ZIC2: variants seen among roughly 807,000 people sequenced by gnomAD.
The protein encoded by ZIC2 is Zic family zinc finger 2.
A neutral mutation model predicts 29.5 loss-of-function variants in ZIC2; 7 were observed. The ratio of observed to expected loss-of-function variants is 0.24; its 90% CI spans 0.14 to 0.45. The LOEUF (loss-of-function observed/expected upper bound fraction) is 0.45. Ranked by LOEUF, ZIC2 falls within the 20% of genes least tolerant of loss-of-function variation. ZIC2 has a pLI of 1.00. For synonymous variants in ZIC2, 408 were observed against 354.2 expected, an observed-to-expected ratio of 1.15 and a Z score of -1.70; for missense variants, 589 against 781.2, an observed-to-expected ratio of 0.75 and a Z score of 2.93.
chr13:99,982,313 C>G lies in ZIC2; in HGVS notation c.249C>G (p.Gly83=). Reference sequence around the variant, plus strand: ...CGGCGTTCACGTCGCAGGGCCCCGGCGCCTACCCCGGCTCCGCTGCGGCTG... The same window carrying G: ...CGGCGTTCACGTCGCAGGGCCCCGGGGCCTACCCCGGCTCCGCTGCGGCTG... ...QSSAFTSQGP[G]AYPGSAAAAA... The change falls in exon 1 of 3, where the codon GGC becomes GGG. Residue 83 remains glycine, a synonymous_variant. Coordinates refer to ENST00000376335, the MANE Select transcript of ZIC2 (RefSeq NM_007129.5). 1 of 1,472,810 alleles carries G rather than the reference C, an allele frequency of 6.8e-7. No individual in the cohort carries two copies. The highest frequency in any genetic ancestry group is 3.0e-5 in the East Asian group (1 of 33,796). The allele number at this position is 1,472,810 out of a possible 1,614,324, so 91.2% of individuals were successfully genotyped here.
In ZIC2 at chr13:99,985,791, AT is replaced by A. The variant is rs1566406408; in HGVS notation, c.*114del. 1 of 529,236 alleles carries A rather than the reference AT, an allele frequency of 1.9e-6. No homozygotes were observed. The highest frequency in any genetic ancestry group is 2.7e-6 in the Non-Finnish European group (1 of 375,794). 32.8% of individuals were successfully genotyped at this position (529,236 alleles called of 1,614,324 possible). A position where few individuals can be genotyped will look rare whatever the true frequency, so the allele number is the denominator to read the frequency against. On this transcript the variant is annotated 3_prime_UTR_variant, in exon 3 of 3. Transcript: ENST00000376335. This position sits in a 1 kb window ranked among gnomAD's most constrained non-coding sequence, Gnocchi z 6.3. ...TCATGTTGTTAAAATTATGAATCTG[AT>A]TTTTATGATGATGAAAATTTTACCA...
Position 99,983,385 on chromosome 13 carries a change from G to A in ZIC2, c.1075+246G>A, listed in dbSNP as rs2053246602. ...AGCCTCACATCAAATGTATGCTTGG[G>A]TCATGCAATTGCTTCGTTTGCTCAG... is the stretch of plus-strand genomic sequence containing the variant. On this transcript the variant is annotated intron_variant, in intron 1 of 2. Transcript: ENST00000376335. The surrounding 1 kb of genome is among the most constrained non-coding windows in gnomAD (Gnocchi z 4.7). Among the ~76,000 whole-genome samples, 1 of 152,212 alleles carries A rather than the reference G, an allele frequency of 6.6e-6. No individual in the cohort carries two copies.
At position 99,985,536 on chromosome 13, in the gene ZIC2, G is replaced by A; in HGVS notation, c.1453G>A (p.Ala485Thr). 2.0e-6 allele frequency: 2 copies of A among 1,002,824 alleles called. No homozygotes were observed. Among genetic ancestry groups the A allele is most frequent in the Non-Finnish European group, 2.4e-6 (2 of 843,956 alleles). The allele number at this position is 1,002,824 out of a possible 1,614,324, so 62.1% of individuals were successfully genotyped here. The change falls in exon 3 of 3, where the codon GCG becomes ACG. Residue 485 changes from alanine (A) to threonine (T), a missense_variant. Around this residue, in one of 7 missense-constraint regions of ZIC2, gnomAD observed 135 missense variants for 136.7 expected, o/e 0.99. Coordinates refer to ENST00000376335, the MANE Select transcript of ZIC2 (RefSeq NM_007129.5). The surrounding 1 kb of genome is among the most constrained non-coding windows in gnomAD (Gnocchi z 6.3). ...GGGCGGAGGCTCGGGCAGTGGCGGC[G>A]CGGGAGGCGGCTCAGGCGGCGGCAG... Reference protein sequence around the residue: ...HRGGGSGSGGAGGGSGGGSGS... With the variant: ...HRGGGSGSGGTGGGSGGGSGS...
rs575455298 is a variant in ZIC2 at position 99,985,424 on chromosome 13, C to G, written c.1341C>G (p.Pro447=). The G allele has an allele frequency of 6.3e-7, 1 of 1,593,998 alleles. No homozygotes were observed. The highest frequency in any genetic ancestry group is 1.1e-5 in the South Asian group (1 of 90,930). The change falls in exon 3 of 3, where the codon CCC becomes CCG. Residue 447 remains proline, a synonymous_variant. Coordinates refer to ENST00000376335, the MANE Select transcript of ZIC2 (RefSeq NM_007129.5). The surrounding 1 kb of genome is among the most constrained non-coding windows in gnomAD (Gnocchi z 6.3). ...GGCTGGTGTCCCCCAGCGCCGAGCC[C>G]CAGAGCAGCTCCAACCTGTCCCCAG... is the stretch of plus-strand genomic sequence containing the variant. The part of the protein sequence containing the change: ...PPGLVSPSAE[P]QSSSNLSPAA...
Position 99,982,679 on chromosome 13 carries a change from C to T in ZIC2, c.615C>T (p.Tyr205=), listed in dbSNP as rs1365569151. 5 of 1,600,446 alleles carry T rather than the reference C, an allele frequency of 3.1e-6. No homozygotes were observed. Among genetic ancestry groups the T allele is most frequent in the African/African-American group, 1.3e-5 (1 of 75,040 alleles). ...RQVASPRTDP[Y]SAAQLHNQYG... ...TGGCCAGCCCGCGGACCGACCCCTACTCGGCGGCGCAACTCCACAACCAGT... is the reference window on the plus strand; with the variant it reads ...TGGCCAGCCCGCGGACCGACCCCTATTCGGCGGCGCAACTCCACAACCAGT... Residue 205 remains tyrosine, a synonymous_variant, in exon 1 of 3, where the codon TAC becomes TAT. Transcript: ENST00000376335.
In ZIC2 at chr13:99,983,526, C is replaced by G. The variant is rs1257247782; in HGVS notation, c.1075+387C>G. ...TGCCAGCTTGTCTGAATGTGCTTTT[C>G]TGCTCGGAGTGTATGTCTGTCTGAG... On this transcript the variant is annotated intron_variant, in intron 1 of 2. Transcript: ENST00000376335. The surrounding 1 kb of genome is among the most constrained non-coding windows in gnomAD (Gnocchi z 4.7). 6.6e-6 allele frequency among the ~76,000 whole-genome samples: 1 copy of G among 152,188 alleles called. No individual in the cohort carries two copies. Among genetic ancestry groups the G allele is most frequent in the African/African-American group, 2.4e-5 (1 of 41,444 alleles).
Position 99,985,701 on chromosome 13 carries a change from C to A in ZIC2, c.*19C>A. The stretch of plus-strand genomic sequence containing the variant: ...CGTGTGACGGGTCGGGGCCTCTCTC[C>A]CTCTCCCTGTCCCCACCCCAGCGCA... On this transcript the variant is annotated 3_prime_UTR_variant, in exon 3 of 3. Transcript: ENST00000376335. This position sits in a 1 kb window ranked among gnomAD's most constrained non-coding sequence, Gnocchi z 6.3. The A allele has an allele frequency of 7.5e-7, 1 of 1,325,970 alleles. No individual in the cohort carries two copies. Among genetic ancestry groups the A allele is most frequent in the Non-Finnish European group, 9.9e-7 (1 of 1,012,254 alleles). 82.1% of individuals were successfully genotyped at this position (1,325,970 alleles called of 1,614,324 possible).
At position 99,986,259 on chromosome 13, in the gene ZIC2, C is replaced by G. The variant is rs2053269173; in HGVS notation, c.*577C>G. On this transcript the variant is annotated 3_prime_UTR_variant, in exon 3 of 3. Transcript: ENST00000376335. ...TATTGTGGTATTGAATATTGTGTTC[C>G]TTTTTATGAGGCAACCTGATTGTAA... 3 of 299,692 alleles carry G rather than the reference C, an allele frequency of 1.0e-5. No individual in the cohort carries two copies. The highest frequency in any genetic ancestry group is 2.2e-5 in the African/African-American group (1 of 45,506). The allele number at this position is 299,692 out of a possible 1,614,324, so 18.6% of individuals were successfully genotyped here. A position where few individuals can be genotyped will look rare whatever the true frequency, so the allele number is the denominator to read the frequency against.
chr13:99,985,475 T>G lies in ZIC2; in HGVS notation c.1392T>G (p.Ala464=), dbSNP rs921926048. Residue 464 remains alanine, a synonymous_variant, in exon 3 of 3, where the codon GCT becomes GCG. Coordinates refer to ENST00000376335, the MANE Select transcript of ZIC2 (RefSeq NM_007129.5). The surrounding 1 kb of genome is among the most constrained non-coding windows in gnomAD (Gnocchi z 6.3). ...SPAAAAAAAA[A]AAAAAAVSAV... is the part of the protein sequence containing the mutation. Reference sequence around the variant, plus strand: ...CGGCGGCGGCAGCGGCGGCGGCGGCTGCGGCGGCGGCGGCCGCGGTGTCCG... The same window carrying G: ...CGGCGGCGGCAGCGGCGGCGGCGGCGGCGGCGGCGGCGGCCGCGGTGTCCG... The G allele has an allele frequency of 3.0e-4, 384 of 1,291,820 alleles. No individual in the cohort carries two copies. Among genetic ancestry groups the G allele is most frequent in the Non-Finnish European group, 3.6e-4 (369 of 1,028,414 alleles). The allele number at this position is 1,291,820 out of a possible 1,614,324, so 80.0% of individuals were successfully genotyped here.
chr13:99,985,217 C>A lies in ZIC2; in HGVS notation c.1240-106C>A, dbSNP rs1038743512. The A allele has an allele frequency of 6.2e-7, 1 of 1,602,258 alleles. No individual in the cohort carries two copies. Among genetic ancestry groups the A allele is most frequent in the Admixed American group, 1.7e-5 (1 of 58,990 alleles). On this transcript the variant is annotated intron_variant, in intron 2 of 2. Transcript: ENST00000376335. This position sits in a 1 kb window ranked among gnomAD's most constrained non-coding sequence, Gnocchi z 6.3. ...GGAGGGTCCCCAGGGGCCAGGGCGG[C>A]GGGGGGAACATTTCTGGGGGTGCTC...
At chr13:99,984,441 C>A in intron 1 of ZIC2, 1 of 193,296 alleles carries the variant, frequency 5.2e-6, no homozygotes, top group Non-Finnish European at 1.1e-5. Context: ...ATTCAATTTG[C>A]AGAATTTTGG....
chr13:99,983,079 G>A lies in ZIC2; in HGVS notation c.1015G>A (p.Gly339Ser), dbSNP rs1291948220. The change falls in exon 1 of 3, where the codon GGC (glycine) becomes AGC (serine). Residue 339 changes from glycine (G) to serine (S), a missense_variant. Coordinates refer to ENST00000376335, the MANE Select transcript of ZIC2 (RefSeq NM_007129.5). This position sits in a 1 kb window ranked among gnomAD's most constrained non-coding sequence, Gnocchi z 4.7. Reference sequence around the variant, plus strand: ...GAAACCCTTCCCCTGCCCCTTCCCGGGCTGTGGCAAAGTCTTCGCGCGCTC... The same window carrying A: ...GAAACCCTTCCCCTGCCCCTTCCCGAGCTGTGGCAAAGTCTTCGCGCGCTC... ...GEKPFPCPFPGCGKVFARSEN... is the reference protein window; with the variant it reads ...GEKPFPCPFPSCGKVFARSEN... 2.5e-6 allele frequency: 4 copies of A among 1,613,928 alleles called. No homozygotes were observed. The highest frequency in any genetic ancestry group is 3.4e-6 in the Non-Finnish European group (4 of 1,180,018).
rs761822481 is a variant in ZIC2 at position 99,985,460 on chromosome 13, A to AGCGGCGGCGGCGGCT, written c.1392_1406dup (p.Ala466_Ala470dup). On this transcript the variant is annotated inframe_insertion, in exon 3 of 3. Transcript: ENST00000376335. This position sits in a 1 kb window ranked among gnomAD's most constrained non-coding sequence, Gnocchi z 6.3. ...CCAACCTGTCCCCAGCGGCGGCGGC[A>AGCGGCGGCGGCGGCT]GCGGCGGCGGCGGCTGCGGCGGCGG... 1.2e-5 allele frequency: 16 copies of AGCGGCGGCGGCGGCT among 1,375,350 alleles called. No homozygotes were observed. Among genetic ancestry groups the AGCGGCGGCGGCGGCT allele is most frequent in the Middle Eastern group, 2.0e-4 (1 of 5,074 alleles). The allele number at this position is 1,375,350 out of a possible 1,614,324, so 85.2% of individuals were successfully genotyped here.
chr13:99,985,123 G>C lies in ZIC2; in HGVS notation c.1239+14G>C, dbSNP rs1239944897. On this transcript the variant is annotated intron_variant, in intron 2 of 2. Transcript: ENST00000376335. This position sits in a 1 kb window ranked among gnomAD's most constrained non-coding sequence, Gnocchi z 6.3. ...AAGCACATGAAGGTACCACCGCGGC[G>C]GCCGGGAGGAGGGCGAGGCAGGCCG... The C allele has an allele frequency of 2.5e-6, 4 of 1,613,862 alleles. No individual in the cohort carries two copies. The highest frequency in any genetic ancestry group is 3.4e-6 in the Non-Finnish European group (4 of 1,179,886).
In ZIC2 at chr13:99,985,300, C is replaced by T. The variant is rs774943558; in HGVS notation, c.1240-23C>T. On this transcript the variant is annotated intron_variant, in intron 2 of 2. Coordinates refer to ENST00000376335, the MANE Select transcript of ZIC2 (RefSeq NM_007129.5). The surrounding 1 kb of genome is among the most constrained non-coding windows in gnomAD (Gnocchi z 6.3). ...CTCACACCCAGTCCCCTCTGGTCCC[C>T]CCTCCCGGCTTTTGTCTTGCAGGTC... is the stretch of plus-strand genomic sequence containing the variant. 1.3e-5 allele frequency: 20 copies of T among 1,599,100 alleles called. No homozygotes were observed. The highest frequency in any genetic ancestry group is 8.8e-5 in the South Asian group (8 of 91,070).
rs373881602 is a variant in ZIC2, at chr13:99,985,364, C to A, written c.1281C>A (p.Ala427=). Residue 427 remains alanine (A), a synonymous_variant, in exon 3 of 3, where the codon GCC becomes GCA. Coordinates refer to ENST00000376335, the MANE Select transcript of ZIC2 (RefSeq NM_007129.5). The surrounding 1 kb of genome is among the most constrained non-coding windows in gnomAD (Gnocchi z 6.3). ...SSPQGSESSP[A]ASSGYESSTP... is the part of the protein sequence containing the mutation. ...CGCAGGGCTCTGAATCCTCCCCGGC[C>A]GCCAGCTCCGGCTATGAGTCGTCCA... is the stretch of plus-strand genomic sequence containing the variant. The A allele has an allele frequency of 6.3e-7, 1 of 1,597,896 alleles. No individual in the cohort carries two copies. Among genetic ancestry groups the A allele is most frequent in the Non-Finnish European group, 8.5e-7 (1 of 1,179,332 alleles).
Position 99,982,140 on chromosome 13 carries a change from G to A in ZIC2, c.76G>A (p.Ala26Thr). The stretch of plus-strand genomic sequence containing the variant: ...CGCGCGCCACCATCACCACTCCGCC[G>A]CGGCGGCGGCGGCGGCTGCCGCCGA... ...SFARHHHHSA[A>T]AAAAAAAEMQ... The change falls in exon 1 of 3, where the codon GCG (alanine) becomes ACG (threonine). Residue 26 changes from alanine to threonine, a missense_variant. Physicochemically the swap from Ala to Thr is moderately conservative, Grantham distance 58. Around this residue, in one of 7 missense-constraint regions of ZIC2, gnomAD observed 358 missense variants for 382.0 expected, o/e 0.94. Transcript: ENST00000376335. The A allele has an allele frequency of 2.3e-6, 3 of 1,292,338 alleles. No homozygotes were observed. The highest frequency in any genetic ancestry group is 2.9e-6 in the Non-Finnish European group (3 of 1,022,752). The allele number at this position is 1,292,338 out of a possible 1,614,324, so 80.1% of individuals were successfully genotyped here. A position where few individuals can be genotyped will look rare whatever the true frequency, so the allele number is the denominator to read the frequency against.
chr13:99,984,938 G>A lies in ZIC2; in HGVS notation c.1076-8G>A. ...TCTGCAGCCAGCGCCGATGTTTGCC[G>A]TCCACAGGGGAGAAGCCGTTCCAGT... On this transcript the variant is annotated splice_polypyrimidine_tract_variant and splice_region_variant and intron_variant, in intron 1 of 2. Transcript: ENST00000376335. 1 of 1,614,012 alleles carries A rather than the reference G, an allele frequency of 6.2e-7. No homozygotes were observed. Among genetic ancestry groups the A allele is most frequent in the Non-Finnish European group, 8.5e-7 (1 of 1,179,922 alleles).
Position 99,981,813 on chromosome 13 carries a change from C to T in ZIC2, c.-252C>T. 1.5e-6 allele frequency: 1 copy of T among 669,402 alleles called. No individual in the cohort carries two copies. Among genetic ancestry groups the T allele is most frequent in the Non-Finnish European group, 2.3e-6 (1 of 433,236 alleles). 41.5% of individuals were successfully genotyped at this position (669,402 alleles called of 1,614,324 possible). Reference sequence around the variant, plus strand: ...TCTTCTCCTCCTCCACCTCCTCCTCCTCCTCCCGCGCCGCCGCCTCCTCCT... The same window carrying T: ...TCTTCTCCTCCTCCACCTCCTCCTCTTCCTCCCGCGCCGCCGCCTCCTCCT... On this transcript the variant is annotated 5_prime_UTR_variant, in exon 1 of 3. Coordinates refer to ENST00000376335, the MANE Select transcript of ZIC2 (RefSeq NM_007129.5).
Sources: allele counts gnomAD v4.1 joint callset (sites outside exome capture counted in the v4.1 genomes callset), GRCh38; gene constraint gnomAD v4.1.1; regional missense constraint gnomAD v4.1.1; non-coding constraint Gnocchi (gnomAD v3.1); transcripts MANE v1.5; gene names NCBI Gene and HGNC (gene_info 2026-07-23, HGNC 2026-07-21).